Variants in GRM7 observed in about 807,000 individuals in gnomAD.
GRM7 encodes the protein metabotropic glutamate receptor 7.
A neutral mutation model predicts 84.5 loss-of-function variants in GRM7; 35 were observed. The ratio of observed to expected loss-of-function variants is 0.41; its 90% CI spans 0.32 to 0.55. The LOEUF is 0.55. GRM7 is among the 20% of genes least tolerant of loss of function. GRM7 has a pLI of 0.19. For synonymous variants in GRM7, 487 were observed against 455.1 expected (o/e 1.07, Z -0.89); for missense variants, 1,003 against 1,194.6 (o/e 0.84, Z 2.36).
chr3:7,122,106 A>G (rs1693246088), intron 1 of GRM7, among the ~76,000 whole-genome samples: 1 of 152,124 alleles, frequency 6.6e-6, no homozygotes, highest in East Asian at 1.9e-4. Flanking sequence ...TTTATAAATT[A>G]CCCAGTCTGT....
At chr3:6,868,123 C>G (rs1166320202) in intron 1 of GRM7, among the ~76,000 whole-genome samples, 1 of 152,136 alleles carries the variant, frequency 6.6e-6, no homozygotes. Context: ...TCATTTAATT[C>G]TCACAGTAGT....
chr3:7,077,980 C>A (rs1312865009), intron 1 of GRM7, among the ~76,000 whole-genome samples: 2 of 125,054 alleles, frequency 1.6e-5, no homozygotes, highest in Non-Finnish European at 4.0e-5. Flanking sequence ...GCTGGCCACA[C>A]TGTTTCTGTC....
chr3:7,628,937 ACT>A (rs1188441791), intron 8 of GRM7, among the ~76,000 whole-genome samples: 2 of 151,960 alleles, frequency 1.3e-5, no homozygotes, highest in African/African-American at 2.4e-5. Context: ...GTTTTTGTTC[ACT>A]CTCTACTGCT....
intron 5 of GRM7, among the ~76,000 whole-genome samples, chr3:7,443,173 A>G (rs1355222932): frequency 2.0e-5 from 3 of 152,114 alleles, no homozygotes; most frequent in Non-Finnish European, 4.4e-5. Context: ...ATCACCATGT[A>G]TCCATCACTG....
intron 1 of GRM7, among the ~76,000 whole-genome samples, chr3:6,936,183 T>G (rs1000710807): frequency 6.6e-5 from 10 of 152,198 alleles, no homozygotes; most frequent in Admixed American, 1.3e-4. Flanking sequence ...TCTCCCTCGG[T>G]GTTCTGCTCT....
intron 1 of GRM7, among the ~76,000 whole-genome samples, chr3:7,114,961 G>T (rs1176874265): frequency 1.3e-5 from 2 of 152,114 alleles, no homozygotes; most frequent in African/African-American, 4.8e-5. Flanking sequence ...TGGCCCTCAT[G>T]AGAAGGAGCT....
chr3:7,573,979 T>C (rs1694833221), intron 7 of GRM7, among the ~76,000 whole-genome samples: 1 of 152,216 alleles, frequency 6.6e-6, no homozygotes, highest in Admixed American at 6.5e-5. Context: ...TTAAAGACAG[T>C]TTATCATTTC....
At chr3:7,558,001 A>C (rs1693850228) in intron 7 of GRM7, among the ~76,000 whole-genome samples, 1 of 151,776 alleles carries the variant, frequency 6.6e-6, no homozygotes, top group Non-Finnish European at 1.5e-5. Context: ...AAATTAACAT[A>C]AGCAATGCAA....
chr3:7,206,947 A>C (rs1157617024), intron 2 of GRM7, among the ~76,000 whole-genome samples: 3 of 152,196 alleles, frequency 2.0e-5, no homozygotes, highest in African/African-American at 4.8e-5. Flanking sequence ...AATATGGACA[A>C]GATATATATA....
intron 8 of GRM7, among the ~76,000 whole-genome samples, chr3:7,594,849 G>A (rs1575535008): frequency 2.0e-5 from 3 of 152,238 alleles, no homozygotes; most frequent in South Asian, 2.1e-4. Flanking sequence ...CAGATGGTGA[G>A]TTACCCAACT....
intron 9 of GRM7, among the ~76,000 whole-genome samples, chr3:7,738,926 G>A (rs996874138): frequency 3.9e-5 from 6 of 152,020 alleles, no homozygotes; most frequent in Non-Finnish European, 8.8e-5. Context: ...GACAACACTG[G>A]GATAATGGGA....
At chr3:7,537,276 G>T (rs1701278137) in intron 7 of GRM7, among the ~76,000 whole-genome samples, 1 of 151,948 alleles carries the variant, frequency 6.6e-6, no homozygotes, top group African/African-American at 2.4e-5. Flanking sequence ...TTTATTGATG[G>T]ATTGACTTTT....
chr3:7,258,781 T>A (rs1208167789), intron 2 of GRM7, among the ~76,000 whole-genome samples: 1 of 152,178 alleles, frequency 6.6e-6, no homozygotes, highest in African/African-American at 2.4e-5. Flanking sequence ...AGCTGTGTTG[T>A]GAACTCTGAG....
intron 1 of GRM7, among the ~76,000 whole-genome samples, chr3:6,940,239 G>A (rs474133): frequency 0.15 from 22,695 of 151,856 alleles, 1,887 homozygotes; most frequent in Admixed American, 0.21. Context: ...CTACAGGTGC[G>A]CACCACCATG....
chr3:7,319,106 G>A (rs971564273), intron 4 of GRM7, among the ~76,000 whole-genome samples: 7 of 151,948 alleles, frequency 4.6e-5, no homozygotes, highest in Non-Finnish European at 7.4e-5. Flanking sequence ...GATACTGTGC[G>A]TGTTTTAAAG....
intron 1 of GRM7, among the ~76,000 whole-genome samples, chr3:7,046,088 A>G (rs961417707): frequency 1.3e-5 from 2 of 152,040 alleles, no homozygotes; most frequent in African/African-American, 4.8e-5. Flanking sequence ...GGTAATATAT[A>G]TTGGCTTGGG....
intron 1 of GRM7, among the ~76,000 whole-genome samples, chr3:6,901,189 A>G (rs974319064): frequency 6.6e-6 from 1 of 152,226 alleles, no homozygotes; most frequent in South Asian, 2.1e-4. Flanking sequence ...TAATTAACAG[A>G]CAAGTTATTT....
chr3:7,431,124 A>C (rs1284517158), intron 5 of GRM7, among the ~76,000 whole-genome samples: 2 of 152,186 alleles, frequency 1.3e-5, no homozygotes, highest in African/African-American at 4.8e-5. Flanking sequence ...TGTCGGGCTA[A>C]CTTGACACAC....
In GRM7 at chr3:6,861,696, C is replaced by T. The variant is rs761616232; in HGVS notation, c.308C>T (p.Ala103Val). The change falls in exon 1 of 10, where the codon GCG becomes GTG. Residue 103 changes from alanine (A) to valine (V), a missense_variant. By Grantham distance (64) the Ala-to-Val change is moderately conservative (BLOSUM62 0). Around this residue, in one of 2 missense-constraint regions of GRM7, gnomAD observed 910 missense variants for 1,126.0 expected, o/e 0.81. Coordinates refer to ENST00000357716, the MANE Select transcript of GRM7 (RefSeq NM_000844.4). This position sits in a 1 kb window ranked among gnomAD's most constrained non-coding sequence, Gnocchi z 6.4. ...CTACTGCCCAACGTGACGCTGGGCG[C>T]GCGGATCCTGGACACTTGTTCCAGG... ...PNLLPNVTLG[A>V]RILDTCSRDT... 9 of 1,614,112 alleles carry T rather than the reference C, an allele frequency of 5.6e-6. No homozygotes were observed. The highest frequency in any genetic ancestry group is 3.3e-5 in the South Asian group (3 of 91,086).
Sources: gnomAD v4.1 joint callset for allele counts (sites outside exome capture counted in the v4.1 genomes callset) on GRCh38, gnomAD v4.1.1 for gene constraint, gnomAD v4.1.1 regional missense constraint, Gnocchi (gnomAD v3.1) non-coding constraint, MANE v1.5 for transcripts, NCBI Gene and HGNC (gene_info 2026-07-23, HGNC 2026-07-21) for gene names.